The following CDKAL1 variants were observed in gnomAD, a reference collection of about 807,000 sequenced individuals.
CDKAL1 encodes the protein threonylcarbamoyladenosine tRNA methylthiotransferase.
CDKAL1 carries 32 observed loss-of-function variants against 68.2 expected under a neutral mutation model. The observed-to-expected ratio is 0.47, with a 90% confidence interval of 0.35 to 0.63. The LOEUF is 0.63. Ranked by LOEUF, CDKAL1 falls within the 30% of genes least tolerant of loss-of-function variation. CDKAL1 has a pLI of 0.00. For missense variants in CDKAL1, 606 were observed against 696.7 expected, an observed-to-expected ratio of 0.87 and a Z score of 1.47; for synonymous variants, 234 against 244.3, an observed-to-expected ratio of 0.96 and a Z score of 0.39.
intron 9 of CDKAL1, among the ~76,000 whole-genome samples, chr6:20,916,677 T>C (rs1349105312): frequency 6.6e-6 from 1 of 152,174 alleles, no homozygotes; most frequent in Non-Finnish European, 1.5e-5. Context: ...TTCATGGGAT[T>C]CTTCACTAAA....
In CDKAL1 at chr6:20,753,907, A is replaced by T. The variant is rs1043665119; in HGVS notation, c.469-4688A>T. 3.3e-5 allele frequency among the ~76,000 whole-genome samples: 5 copies of T among 152,130 alleles called. No homozygotes were observed. In the South Asian group the frequency reaches 1.0e-3, roughly 32 times the overall value. On this transcript the variant is annotated intron_variant, in intron 6 of 15. Coordinates refer to ENST00000274695, the MANE Select transcript of CDKAL1 (RefSeq NM_017774.3). ...TTTACTGCATTCCCATCAGCAATGT[A>T]TGAAGGTTCCAATTTCTCCACATTT...
At chr6:20,996,120 A>G (rs1170099247) in intron 10 of CDKAL1, among the ~76,000 whole-genome samples, 1 of 152,206 alleles carries the variant, frequency 6.6e-6, no homozygotes, top group Non-Finnish European at 1.5e-5. Context: ...CCTTTATAGA[A>G]TTGAAGAGAG....
intron 14 of CDKAL1, among the ~76,000 whole-genome samples, chr6:21,198,567 T>C (rs1778562485): frequency 6.6e-6 from 1 of 152,182 alleles, no homozygotes; most frequent in African/African-American, 2.4e-5. Context: ...TTTAGTTTTG[T>C]TTAGTTTTAG....
intron 5 of CDKAL1, chr6:20,723,511 GA>G (rs1165754268): frequency 6.4e-6 from 1 of 156,390 alleles, no homozygotes; most frequent in African/African-American, 2.4e-5. Context: ...AGGCCGAGTA[GA>G]GGGGGCACCC....
chr6:21,185,602 C>T (rs961732118), intron 13 of CDKAL1, among the ~76,000 whole-genome samples: 4 of 152,180 alleles, frequency 2.6e-5, no homozygotes, highest in Admixed American at 6.5e-5. Context: ...AACCAAAGTA[C>T]TCCCACTTAA....
At chr6:20,813,862 C>G (rs1350563959) in intron 8 of CDKAL1, among the ~76,000 whole-genome samples, 2 of 152,032 alleles carry the variant, frequency 1.3e-5, no homozygotes, top group East Asian at 3.8e-4. Flanking sequence ...TAATGTAAGT[C>G]TTCTAACTTC....
chr6:20,757,141 C>T (rs1674716881), intron 6 of CDKAL1, among the ~76,000 whole-genome samples: 4 of 152,028 alleles, frequency 2.6e-5, no homozygotes, highest in Admixed American at 2.0e-4. Context: ...CCATGTTGGC[C>T]AGGCTGGTCT....
intron 10 of CDKAL1, among the ~76,000 whole-genome samples, chr6:20,978,989 ATTCATAATTAGTCT>A (rs1765976846): frequency 6.6e-6 from 1 of 152,208 alleles, no homozygotes. Flanking sequence ...ATTTAGTCAT[ATTCATAATTAGTCT>A]TTCATAATTG....
intron 15 of CDKAL1, among the ~76,000 whole-genome samples, chr6:21,226,335 A>G (rs1779741840): frequency 7.1e-6 from 1 of 140,902 alleles, no homozygotes; most frequent in South Asian, 2.3e-4. Flanking sequence ...GTTCTGCTTT[A>G]ACAGATTGAT....
intron 8 of CDKAL1, among the ~76,000 whole-genome samples, chr6:20,832,021 T>G (rs957330632): frequency 6.6e-6 from 1 of 152,216 alleles, no homozygotes; most frequent in African/African-American, 2.4e-5. Context: ...GAACCACCGC[T>G]GCGCTGTCTG....
chr6:21,186,197 G>A (rs1190450836), intron 13 of CDKAL1, among the ~76,000 whole-genome samples: 3 of 152,102 alleles, frequency 2.0e-5, no homozygotes, highest in African/African-American at 7.2e-5. Context: ...ATTAGAGCTT[G>A]GCTCTCTTTG....
At chr6:20,744,860 C>T (rs959407762) in intron 6 of CDKAL1, among the ~76,000 whole-genome samples, 1 of 152,150 alleles carries the variant, frequency 6.6e-6, no homozygotes, top group African/African-American at 2.4e-5. Context: ...ACAAGGACCA[C>T]ATTTGAAGTT....
At chr6:21,135,164 C>A (rs946732895) in intron 13 of CDKAL1, among the ~76,000 whole-genome samples, 8 of 152,104 alleles carry the variant, frequency 5.3e-5, no homozygotes, top group African/African-American at 1.9e-4. Context: ...AAAACAGGTT[C>A]ATACTGACTG....
chr6:20,695,486 A>T (rs1478480283), intron 5 of CDKAL1, among the ~76,000 whole-genome samples: 1 of 152,180 alleles, frequency 6.6e-6, no homozygotes, highest in Non-Finnish European at 1.5e-5. Context: ...AGAGAAATAC[A>T]CATCATTTTC....
intron 9 of CDKAL1, among the ~76,000 whole-genome samples, chr6:20,887,132 A>G (rs1441613070): frequency 2.6e-5 from 4 of 152,260 alleles, no homozygotes; most frequent in African/African-American, 4.8e-5. Flanking sequence ...AGATACTCCT[A>G]TACATGAAGT....
chr6:20,614,678 G>T (rs1196066663), intron 4 of CDKAL1, among the ~76,000 whole-genome samples: 1 of 152,142 alleles, frequency 6.6e-6, no homozygotes. Flanking sequence ...TGTTTTTGCT[G>T]AAGAATTTTA....
At chr6:20,761,603 A>T (rs904620643) in intron 7 of CDKAL1, among the ~76,000 whole-genome samples, 1 of 152,186 alleles carries the variant, frequency 6.6e-6, no homozygotes, top group African/African-American at 2.4e-5. Flanking sequence ...GAAATGAGCT[A>T]AAAAACCATG....
At chr6:20,582,890 G>C (rs1765194461) in intron 4 of CDKAL1, among the ~76,000 whole-genome samples, 1 of 152,108 alleles carries the variant, frequency 6.6e-6, no homozygotes, top group Non-Finnish European at 1.5e-5. Flanking sequence ...TGTTTCTGGG[G>C]GACTTCTCTA....
chr6:21,223,709 A>AAAAC (rs149970828), intron 15 of CDKAL1, among the ~76,000 whole-genome samples: 3,395 of 152,302 alleles, frequency 0.022, 128 homozygotes, highest in African/African-American at 0.076. Flanking sequence ...ACCAGTTCAG[A>AAAAC]AAACATTAAC....
Sources: allele counts gnomAD v4.1 joint callset (sites outside exome capture counted in the v4.1 genomes callset), GRCh38; gene constraint gnomAD v4.1.1; transcripts MANE v1.5; gene names NCBI Gene and HGNC (gene_info 2026-07-23, HGNC 2026-07-21).